Variants in EML1 observed in about 807,000 individuals in gnomAD.
EML1 encodes echinoderm microtubule-associated protein-like 1.
EML1 carries 27 observed loss-of-function variants against 110.4 expected under a neutral mutation model. That is an observed-to-expected ratio of 0.24 (90% confidence interval 0.18 to 0.34). EML1 has a LOEUF of 0.34. Among genes scored for constraint, EML1 ranks in the 10% least tolerant of loss-of-function variants. The pLI, the probability that EML1 is intolerant of heterozygous loss-of-function variation, is 1.00. For synonymous variants in EML1, 344 were observed against 385.8 expected (o/e 0.89, Z 1.27); for missense variants, 741 against 1,030.9 (o/e 0.72, Z 3.85).
At chr14:99,761,784 A>T (rs1424556471) in intron 1 of EML1, among the ~76,000 whole-genome samples, 2 of 151,922 alleles carry the variant, frequency 1.3e-5, no homozygotes, top group African/African-American at 4.8e-5. Context: ...AGTTAGCCAG[A>T]TGTGGTGGCA....
At chr14:99,805,203 A>G (rs970860285) in intron 1 of EML1, among the ~76,000 whole-genome samples, 5 of 152,240 alleles carry the variant, frequency 3.3e-5, no homozygotes, top group African/African-American at 1.2e-4. Context: ...CGACCAGACC[A>G]GGAGGACCTG....
intron 4 of EML1, among the ~76,000 whole-genome samples, chr14:99,884,188 T>C (rs927691825): frequency 6.6e-6 from 1 of 152,172 alleles, no homozygotes; most frequent in African/African-American, 2.4e-5. Flanking sequence ...CATGTCTGCA[T>C]CCCAGACTGT....
chr14:99,821,757 A>G (rs1013686002), intron 1 of EML1, among the ~76,000 whole-genome samples: 2 of 152,256 alleles, frequency 1.3e-5, no homozygotes, highest in Non-Finnish European at 2.9e-5. Flanking sequence ...GTGCCATGTG[A>G]CAACACATGA....
At chr14:99,822,397 A>G (rs2058279692) in intron 1 of EML1, among the ~76,000 whole-genome samples, 1 of 152,142 alleles carries the variant, frequency 6.6e-6, no homozygotes, top group South Asian at 2.1e-4. Context: ...AATAGTAATA[A>G]TTCTTTGTAT....
upstream of EML1, among the ~76,000 whole-genome samples, chr14:99,768,488 A>G (rs1034716326): frequency 1.3e-5 from 2 of 152,158 alleles, no homozygotes; most frequent in African/African-American, 4.8e-5. Context: ...GCAGCATGAT[A>G]TGGCTCACGG....
At chr14:99,766,641 C>T (rs1222358973) in intron 1 of EML1, among the ~76,000 whole-genome samples, 3 of 152,206 alleles carry the variant, frequency 2.0e-5, no homozygotes, top group Non-Finnish European at 2.9e-5. Flanking sequence ...CTCCACCATT[C>T]TAGTCTTAAA....
intron 1 of EML1, among the ~76,000 whole-genome samples, chr14:99,749,126 G>T (rs1216566025): frequency 6.6e-6 from 1 of 152,216 alleles, no homozygotes; most frequent in African/African-American, 2.4e-5. Context: ...GAACACTCGT[G>T]TACCAGTTTC....
chr14:99,923,411 G>A (rs968498041), intron 17 of EML1, among the ~76,000 whole-genome samples: 3 of 152,136 alleles, frequency 2.0e-5, no homozygotes, highest in South Asian at 2.1e-4. Context: ...TTGCATTCGA[G>A]TCTATGATCC....
At chr14:99,932,554 G>A (rs146553133) in intron 17 of EML1, among the ~76,000 whole-genome samples, 11 of 151,128 alleles carry the variant, frequency 7.3e-5, no homozygotes, top group Non-Finnish European at 1.3e-4. Context: ...CAGGAGAATC[G>A]CTTGAACTCA....
chr14:99,875,358 GAATTAAGT>G (rs2059272842), intron 3 of EML1, among the ~76,000 whole-genome samples: 1 of 152,166 alleles, frequency 6.6e-6, no homozygotes, highest in African/African-American at 2.4e-5. Context: ...TGTGAGGTTT[GAATTAAGT>G]AATACAGTAT....
chr14:99,913,723 C>G (rs1003579792), intron 13 of EML1, among the ~76,000 whole-genome samples: 7 of 151,422 alleles, frequency 4.6e-5, no homozygotes, highest in African/African-American at 1.7e-4. Flanking sequence ...GAGTTTCACT[C>G]TTGTCACCCA....
chr14:99,828,170 C>T (rs1296399466), intron 1 of EML1, among the ~76,000 whole-genome samples: 1 of 152,210 alleles, frequency 6.6e-6, no homozygotes, highest in East Asian at 1.9e-4. Context: ...TATTCTTATA[C>T]AGCAGTCTTC....
At chr14:99,744,985 C>T (rs1025256897) in intron 1 of EML1, among the ~76,000 whole-genome samples, 5 of 152,108 alleles carry the variant, frequency 3.3e-5, no homozygotes, top group African/African-American at 1.2e-4. Context: ...TTTCTTCACT[C>T]TAATACAGAT....
chr14:99,777,628 C>T (rs972055566), intron 1 of EML1, among the ~76,000 whole-genome samples: 2 of 152,164 alleles, frequency 1.3e-5, no homozygotes. Context: ...CCACGTTGGC[C>T]AGGCTTGTCT....
At chr14:99,835,112 G>A (rs576903989) in intron 1 of EML1, among the ~76,000 whole-genome samples, 2 of 152,098 alleles carry the variant, frequency 1.3e-5, no homozygotes, top group African/African-American at 2.4e-5. Context: ...GTGAGCCACC[G>A]TGCCCAGACT....
At chr14:99,756,964 C>T (rs532544965) in intron 1 of EML1, among the ~76,000 whole-genome samples, 157 of 152,328 alleles carry the variant, frequency 1.0e-3, no homozygotes, top group Non-Finnish European at 1.2e-3. Flanking sequence ...CACAATGACA[C>T]GCAGTTCTAC....
In EML1 at chr14:99,819,508, C is replaced by G. The variant is rs562214670; in HGVS notation, c.67+25965C>G. Reference sequence around the variant, plus strand: ...TTCTTTCTCTATACGAATAAGGTGTCCTGGTAATTTTGCAAGTGATGATTT... The same window carrying G: ...TTCTTTCTCTATACGAATAAGGTGTGCTGGTAATTTTGCAAGTGATGATTT... On this transcript the variant is annotated intron_variant, in intron 1 of 21. Transcript: ENST00000262233. Among the ~76,000 whole-genome samples, 13 of 152,294 alleles carry G rather than the reference C, an allele frequency of 8.5e-5. No homozygotes were observed. In the East Asian group the frequency reaches 2.5e-3, roughly 29 times the overall value.
At chr14:99,898,661 A>T (rs1379686356) in intron 8 of EML1, among the ~76,000 whole-genome samples, 2 of 151,840 alleles carry the variant, frequency 1.3e-5, no homozygotes, top group Non-Finnish European at 2.9e-5. Context: ...CTGAAGCAGG[A>T]GAATCACTTG....
chr14:99,793,299 T>G, upstream of EML1: 1 of 977,030 alleles, frequency 1.0e-6, no homozygotes, highest in Non-Finnish European at 1.2e-6. Context: ...GGCGCTGGGC[T>G]CGCGCGGCTG....
Sources: allele counts gnomAD v4.1 joint callset (sites outside exome capture counted in the v4.1 genomes callset), GRCh38; gene constraint gnomAD v4.1.1; transcripts MANE v1.5; gene names NCBI Gene and HGNC (gene_info 2026-07-23, HGNC 2026-07-21).